Variants in ARMC3 observed in about 807,000 individuals in gnomAD.
ARMC3 encodes armadillo repeat containing 3.
In ARMC3, 74 loss-of-function variants were observed where a neutral mutation model predicts 90.3. The ratio of observed to expected loss-of-function variants is 0.82; its 90% CI spans 0.68 to 0.99. ARMC3 has a LOEUF of 0.99. Ranked by LOEUF, ARMC3 falls within the 50% of genes least tolerant of loss-of-function variation. The pLI, the probability that ARMC3 is intolerant of heterozygous loss-of-function variation, is 0.00. For missense variants in ARMC3, 958 were observed against 1,042.8 expected (o/e 0.92, Z 1.12); for synonymous variants, 334 against 361.8 (o/e 0.92, Z 0.87).
chr10:23,022,135 C>T (rs563786383), intron 16 of ARMC3, among the ~76,000 whole-genome samples: 230 of 152,174 alleles, frequency 1.5e-3, no homozygotes, highest in Middle Eastern at 3.4e-3. Flanking sequence ...AAGAAGATTT[C>T]CTCCTTTGTT....
chr10:23,018,121 C>T (rs963644564), intron 16 of ARMC3, among the ~76,000 whole-genome samples: 1 of 152,222 alleles, frequency 6.6e-6, no homozygotes, highest in East Asian at 1.9e-4. Flanking sequence ...TGGAAAGGAA[C>T]TAGCAGCAGT....
chr10:23,008,766 T>C (rs1564391872), intron 15 of ARMC3, 49 bp from the exon 16 acceptor site: 1 of 1,459,820 alleles, frequency 6.9e-7, no homozygotes, highest in Non-Finnish European at 9.6e-7. Context: ...AATGTATTGT[T>C]GTTTTCCATA....
Position 22,968,446 on chromosome 10 carries a change from T to G in ARMC3, c.873T>G (p.Ile291Met). The change falls in exon 8 of 19, where the codon ATT becomes ATG. Residue 291 changes from isoleucine to methionine, a missense_variant. Coordinates refer to ENST00000298032, the MANE Select transcript of ARMC3 (RefSeq NM_173081.5). ...CAGAAAACTCTACAATTCCTGATAT[T>G]CAGAAGAATGCAGCAAAAGCCATTA... ...SFAENSTIPD[I>M]QKNAAKAITK... is the part of the protein sequence containing the mutation. 1 of 1,606,592 alleles carries G rather than the reference T, an allele frequency of 6.2e-7. No individual in the cohort carries two copies.
intron 16 of ARMC3, among the ~76,000 whole-genome samples, chr10:23,009,583 C>T (rs887674275): frequency 6.6e-6 from 1 of 152,226 alleles, no homozygotes; most frequent in Non-Finnish European, 1.5e-5. Flanking sequence ...ACTGCAACCT[C>T]TGCCTCCCTG....
chr10:22,935,936 A>T (rs1834092302), intron 2 of ARMC3, among the ~76,000 whole-genome samples: 1 of 152,300 alleles, frequency 6.6e-6, no homozygotes, highest in Middle Eastern at 3.4e-3. Flanking sequence ...TTTCCTACAC[A>T]ATTAGCACCT....
intron 3 of ARMC3, among the ~76,000 whole-genome samples, chr10:22,949,449 G>T (rs1834656840): frequency 6.6e-6 from 1 of 152,196 alleles, no homozygotes; most frequent in Non-Finnish European, 1.5e-5. Flanking sequence ...TTCTAGAGAT[G>T]AAAACTTCAA....
intron 8 of ARMC3, among the ~76,000 whole-genome samples, chr10:22,973,753 CTTTTTT>C (rs56405413): frequency 1.0e-4 from 8 of 79,922 alleles, no homozygotes; most frequent in African/African-American, 3.4e-4. Flanking sequence ...CTTTGTCTTT[CTTTTTT>C]TTTTTTTTTT....
Position 22,978,206 on chromosome 10 carries a change from T to C in ARMC3, c.917-3134T>C, listed in dbSNP as rs1274735602. 3.3e-5 allele frequency among the ~76,000 whole-genome samples: 5 copies of C among 152,352 alleles called. No individual in the cohort carries two copies. The East Asian group carries it at 7.7e-4, about 23-fold the overall frequency. ...TTGTATTAGTCTGTTCTCAAACTGC[T>C]ATGAAGAAATACTTGAGACTGGGTA... On this transcript the variant is annotated intron_variant, in intron 8 of 18. Transcript: ENST00000298032.
At chr10:22,955,013 T>C (rs1321488867) in intron 3 of ARMC3, among the ~76,000 whole-genome samples, 2 of 152,058 alleles carry the variant, frequency 1.3e-5, no homozygotes, top group Non-Finnish European at 2.9e-5. Context: ...GAATAGGAGC[T>C]CTGATGTCCC....
rs749363604 is a variant in ARMC3, at chr10:23,033,009, G to A, written c.2395G>A (p.Ala799Thr). 1.2e-6 allele frequency: 2 copies of A among 1,612,394 alleles called. No individual in the cohort carries two copies. Among genetic ancestry groups the A allele is most frequent in the Non-Finnish European group, 1.7e-6 (2 of 1,179,138 alleles). The part of the protein sequence containing the change: ...HVKKGIFYHR[A>T]LLFKALADRI... ...CAAAAAAGGAATCTTCTACCATCGA[G>A]CTTTGCTTTTCAAGGTGTGTAAGGT... The change falls in exon 18 of 19, where the codon GCT (alanine) becomes ACT (threonine). Residue 799 changes from alanine (A) to threonine (T), a missense_variant. Coordinates refer to ENST00000298032, the MANE Select transcript of ARMC3 (RefSeq NM_173081.5).
intron 3 of ARMC3, chr10:22,955,056 AAG>A (rs1270252007): frequency 6.6e-6 from 1 of 152,162 alleles, no homozygotes; most frequent in Non-Finnish European, 1.5e-5. Flanking sequence ...CCAGCTCAAA[AAG>A]AGAGAGGATT....
chr10:23,027,806 T>C (rs1838771806), intron 16 of ARMC3, among the ~76,000 whole-genome samples: 1 of 152,120 alleles, frequency 6.6e-6, no homozygotes. Flanking sequence ...TTTTTAATTG[T>C]ACCACAGGTC....
intron 7 of ARMC3, among the ~76,000 whole-genome samples, 158 bp from the exon 8 acceptor site, chr10:22,968,148 T>C (rs1835520727): frequency 6.6e-6 from 1 of 152,168 alleles, no homozygotes; most frequent in Non-Finnish European, 1.5e-5. Context: ...AGAAGAGTGA[T>C]GTTACTTTGA....
intron 4 of ARMC3, among the ~76,000 whole-genome samples, chr10:22,957,913 G>A (rs900003272): frequency 1.3e-5 from 2 of 152,022 alleles, no homozygotes; most frequent in African/African-American, 2.4e-5. Context: ...AAAATATTTT[G>A]TGGCCAGGCA....
At chr10:22,942,762 A>G (rs1335802621) in intron 2 of ARMC3, among the ~76,000 whole-genome samples, 1 of 152,240 alleles carries the variant, frequency 6.6e-6, no homozygotes, top group Non-Finnish European at 1.5e-5. Flanking sequence ...AAATGTATGT[A>G]TCCACAAAAA....
chr10:23,028,595 G>T (rs1373776142), intron 16 of ARMC3, among the ~76,000 whole-genome samples: 2 of 152,136 alleles, frequency 1.3e-5, no homozygotes, highest in Non-Finnish European at 2.9e-5. Context: ...TTTTGGGTGT[G>T]TTTTAGCAGA....
chr10:22,968,273 A>G (rs1564360483), intron 7 of ARMC3, 33 bp from the exon 8 acceptor site: 2 of 1,593,014 alleles, frequency 1.3e-6, no homozygotes, highest in Non-Finnish European at 1.7e-6. Flanking sequence ...TTTTAGTACA[A>G]CTTTCTAAAG....
At chr10:22,930,714 C>G (rs1363336101) in intron 1 of ARMC3, among the ~76,000 whole-genome samples, 2 of 152,110 alleles carry the variant, frequency 1.3e-5, no homozygotes, top group Non-Finnish European at 2.9e-5. Context: ...TTTGAGCTAA[C>G]CCTGACACTG....
At chr10:22,988,675 A>G (rs1392457424) in intron 10 of ARMC3, among the ~76,000 whole-genome samples, 1 of 152,182 alleles carries the variant, frequency 6.6e-6, no homozygotes, top group Non-Finnish European at 1.5e-5. Context: ...AATACAAACC[A>G]CAAGTTCCAC....
Sources: gnomAD v4.1 joint callset for allele counts (sites outside exome capture counted in the v4.1 genomes callset) on GRCh38, gnomAD v4.1.1 for gene constraint, MANE v1.5 for transcripts, NCBI Gene and HGNC (gene_info 2026-07-23, HGNC 2026-07-21) for gene names.